DNAH8: variants seen among roughly 807,000 people sequenced by gnomAD.
The protein encoded by DNAH8 is dynein axonemal heavy chain 8, also known as axonemal beta dynein heavy chain 8.
DNAH8 carries 382 observed loss-of-function variants against 562.1 expected under a neutral mutation model. The observed-to-expected ratio is 0.68, with a 90% CI of 0.63 to 0.74. DNAH8 has a LOEUF of 0.74. Ranked by LOEUF, DNAH8 falls within the 30% of genes least tolerant of loss-of-function variation. The pLI is 0.00. For synonymous variants in DNAH8, 1,881 were observed against 1,919.4 expected (o/e 0.98, Z 0.52); for missense variants, 5,203 against 5,620.4 (o/e 0.93, Z 2.37).
Position 38,828,261 on chromosome 6 carries a change from T to C in DNAH8, c.4161T>C (p.Tyr1387=). The C allele has an allele frequency of 1.9e-6, 3 of 1,583,912 alleles. No individual in the cohort carries two copies. The South Asian group carries it at 3.6e-5, about 19-fold the overall frequency. ...CAGAAGCAGTTGATACCTTAAGATA[T>C]TCTTTCAACAAATTGCAGAGCAAAG... ...EESEAVDTLR[Y]SFNKLQSKAV... Residue 1387 remains tyrosine (Y), a synonymous_variant, in exon 30 of 93, where the codon TAT becomes TAC. Coordinates refer to ENST00000327475, the MANE Select transcript of DNAH8 (RefSeq NM_001206927.2).
At chr6:38,877,421 G>T (rs1168324700) in intron 53 of DNAH8, among the ~76,000 whole-genome samples, 2 of 152,182 alleles carry the variant, frequency 1.3e-5, no homozygotes, top group Non-Finnish European at 2.9e-5. Context: ...TTTTAATGGA[G>T]ATGTTAACAA....
Position 38,906,280 on chromosome 6 carries a change from A to G in DNAH8, c.9221A>G (p.Asp3074Gly), listed in dbSNP as rs748431291. The G allele has an allele frequency of 5.6e-6, 9 of 1,599,930 alleles. No individual in the cohort carries two copies. Among genetic ancestry groups the G allele is most frequent in the Non-Finnish European group, 6.8e-6 (8 of 1,170,708 alleles). Reference sequence around the variant, plus strand: ...TCTTACAATGTGACTAATCTAACAGATGATTTAAAAGCTTTGTACAAAGTT... The same window carrying G: ...TCTTACAATGTGACTAATCTAACAGGTGATTTAAAAGCTTTGTACAAAGTT... ...TRSYNVTNLT[D>G]DLKALYKVAG... The change falls in exon 63 of 93, where the codon GAT becomes GGT. Residue 3074 changes from aspartate to glycine, a missense_variant. Around this residue, in one of 6 missense-constraint regions of DNAH8, gnomAD observed 977 missense variants for 1,061.8 expected, o/e 0.92. Coordinates refer to ENST00000327475, the MANE Select transcript of DNAH8 (RefSeq NM_001206927.2).
chr6:38,739,685 C>T lies in DNAH8; in HGVS notation c.1116+1713C>T, dbSNP rs74888999. Reference sequence around the variant, plus strand: ...AAGAAAAAACATAGACCATTACCAGCGCCTTAAAATGTCCTTGCGTTTCTC... The same window carrying T: ...AAGAAAAAACATAGACCATTACCAGTGCCTTAAAATGTCCTTGCGTTTCTC... On this transcript the variant is annotated intron_variant, in intron 7 of 92. Transcript: ENST00000327475. Among the ~76,000 whole-genome samples the T allele has an allele frequency of 1.9e-3, 286 of 152,204 alleles. 1 individual carries two copies. Among genetic ancestry groups the T allele is most frequent in the Middle Eastern group, 0.017 (5 of 294 alleles).
chr6:38,775,645 GC>G (rs1767991053), intron 12 of DNAH8, 108 bp from the exon 13 acceptor site: 1 of 669,680 alleles, frequency 1.5e-6, no homozygotes, highest in Non-Finnish European at 2.5e-6. Flanking sequence ...ATTATTCTAG[GC>G]CCTGTTTAAT....
At chr6:38,941,843 T>G (rs1214579082) in intron 79 of DNAH8, among the ~76,000 whole-genome samples, 1 of 152,164 alleles carries the variant, frequency 6.6e-6, no homozygotes, top group Non-Finnish European at 1.5e-5. Context: ...CTCATATCTA[T>G]GCACCATGGT....
intron 74 of DNAH8, among the ~76,000 whole-genome samples, chr6:38,927,455 A>G (rs1404775551): frequency 6.6e-6 from 1 of 152,206 alleles, no homozygotes; most frequent in Non-Finnish European, 1.5e-5. Flanking sequence ...AACCCAGGGA[A>G]ATCCTAGAAT....
chr6:38,926,257 C>G, intron 74 of DNAH8, 47 bp downstream of exon 74: 1 of 1,584,876 alleles, frequency 6.3e-7, no homozygotes. Flanking sequence ...AATCATGAAA[C>G]TCTTTCAAAA....
chr6:38,834,436 A>G (rs1774108210), intron 31 of DNAH8, 143 bp from the exon 32 acceptor site: 4 of 533,436 alleles, frequency 7.5e-6, no homozygotes, highest in Non-Finnish European at 9.9e-6. Context: ...AGAAATAAAT[A>G]AAAGCTTCAA....
intron 91 of DNAH8, among the ~76,000 whole-genome samples, chr6:39,023,787 A>G (rs971457367): frequency 3.3e-5 from 5 of 152,234 alleles, no homozygotes; most frequent in African/African-American, 1.2e-4. Context: ...AAGGACATGT[A>G]TCTTCTCTAC....
chr6:39,017,274 G>A lies in DNAH8; in HGVS notation c.13714+4637G>A, dbSNP rs77433129. 5.1e-3 allele frequency among the ~76,000 whole-genome samples: 780 copies of A among 152,218 alleles called. 5 individuals are homozygous for A. Among genetic ancestry groups the A allele is most frequent in the African/African-American group, 0.018 (735 of 41,522 alleles). ...GCCCTGGTCTGTTTTTCCCGAAGGTGCGCCTTTTCAGTGCATCGTGTAACA... is the reference window on the plus strand; with the variant it reads ...GCCCTGGTCTGTTTTTCCCGAAGGTACGCCTTTTCAGTGCATCGTGTAACA... On this transcript the variant is annotated intron_variant, in intron 91 of 92. Coordinates refer to ENST00000327475, the MANE Select transcript of DNAH8 (RefSeq NM_001206927.2).
chr6:38,958,488 T>C (rs1439021472), intron 82 of DNAH8, among the ~76,000 whole-genome samples: 1 of 149,572 alleles, frequency 6.7e-6, no homozygotes, highest in Non-Finnish European at 1.5e-5. Flanking sequence ...TCATTAAAGA[T>C]TGTTATGAAA....
chr6:38,966,146 T>C (rs1762957421), intron 82 of DNAH8, among the ~76,000 whole-genome samples: 1 of 152,042 alleles, frequency 6.6e-6, no homozygotes, highest in Non-Finnish European at 1.5e-5. Flanking sequence ...TGAAGATTAC[T>C]AAAATCAGCA....
chr6:38,870,396 C>T lies in DNAH8; in HGVS notation c.6829-5C>T, dbSNP rs1358017888. 1.2e-6 allele frequency: 2 copies of T among 1,612,102 alleles called. No individual in the cohort carries two copies. The highest frequency in any genetic ancestry group is 1.1e-5 in the South Asian group (1 of 90,640). ...GTAAATTTATTTTAAACTATGCCAC[C>T]TTAGGTTGATGAAGATGAACCCCTG... On this transcript the variant is annotated splice_region_variant and splice_polypyrimidine_tract_variant and intron_variant, in intron 48 of 92. Transcript: ENST00000327475.
chr6:38,823,129 C>T (rs1288211603), intron 27 of DNAH8, 95 bp downstream of exon 27: 1 of 1,142,154 alleles, frequency 8.8e-7, no homozygotes, highest in African/African-American at 1.6e-5. Context: ...GACAGGAACC[C>T]ATGAGCAGAG....
At chr6:38,758,330 G>C (rs1331138929) in intron 10 of DNAH8, among the ~76,000 whole-genome samples, 2 of 151,690 alleles carry the variant, frequency 1.3e-5, no homozygotes, top group African/African-American at 4.9e-5. Flanking sequence ...CTCTCTGTTT[G>C]TCTGTTATTG....
chr6:38,859,905 G>A (rs1776476410), intron 42 of DNAH8, among the ~76,000 whole-genome samples: 1 of 152,064 alleles, frequency 6.6e-6, no homozygotes, highest in Non-Finnish European at 1.5e-5. Context: ...CCTTCCCATG[G>A]CCCTGTGAAC....
Position 38,791,607 on chromosome 6 carries a change from A to G in DNAH8, c.2834A>G (p.Lys945Arg). ...HIDTVLKEIA[K>R]TVLISLPESG... is the part of the protein sequence containing the mutation. ...GATACAGTTCTGAAGGAGATAGCCAAAACTGTGTTGATTTCTCTGCCTGAA... is the reference window on the plus strand; with the variant it reads ...GATACAGTTCTGAAGGAGATAGCCAGAACTGTGTTGATTTCTCTGCCTGAA... Residue 945 changes from lysine (K) to arginine (R), a missense_variant, in exon 21 of 93, where the codon AAA (lysine) becomes AGA (arginine). This residue lies in a region of DNAH8 where 2,176 missense variants were observed against 2,365.1 expected (regional missense o/e 0.92). Coordinates refer to ENST00000327475, the MANE Select transcript of DNAH8 (RefSeq NM_001206927.2). The G allele has an allele frequency of 1.2e-6, 2 of 1,613,994 alleles. No individual in the cohort carries two copies. The highest frequency in any genetic ancestry group is 1.7e-5 in the Admixed American group (1 of 60,024).
rs1465132855 is a variant in DNAH8 at position 38,958,025 on chromosome 6, A to G, written c.12451+6505A>G. On this transcript the variant is annotated intron_variant, in intron 82 of 92. Transcript: ENST00000327475. Reference sequence around the variant, plus strand: ...ATAGTGTTTTGTTTTGTTTTTTTTTATGAAGTCTTGTTGTCTCCCAGGCTG... The same window carrying G: ...ATAGTGTTTTGTTTTGTTTTTTTTTGTGAAGTCTTGTTGTCTCCCAGGCTG... Among the ~76,000 whole-genome samples, 3 of 151,562 alleles carry G rather than the reference A, an allele frequency of 2.0e-5. No individual in the cohort carries two copies. In the East Asian group the frequency reaches 5.8e-4, roughly 29 times the overall value.
intron 59 of DNAH8, among the ~76,000 whole-genome samples, chr6:38,895,708 G>A (rs1779629184): frequency 6.6e-6 from 1 of 152,160 alleles, no homozygotes. Flanking sequence ...TTGTCAATCT[G>A]AAAAGGTCCT....
Sources: allele counts gnomAD v4.1 joint callset (sites outside exome capture counted in the v4.1 genomes callset), GRCh38; gene constraint gnomAD v4.1.1; regional missense constraint gnomAD v4.1.1; transcripts MANE v1.5; gene names NCBI Gene and HGNC (gene_info 2026-07-23, HGNC 2026-07-21).